The following ZSCAN25 variants were observed in gnomAD, a reference collection of about 807,000 sequenced individuals.
ZSCAN25 encodes the protein zinc finger and SCAN domain-containing protein 25.
In ZSCAN25, 27 loss-of-function variants were observed where a neutral mutation model predicts 38.7. That is an observed-to-expected ratio of 0.70 (90% CI 0.51 to 0.96). The LOEUF (loss-of-function observed/expected upper bound fraction) is 0.96. Ranked by LOEUF, ZSCAN25 falls within the 40% of genes least tolerant of loss-of-function variation. The pLI, the probability that ZSCAN25 is intolerant of heterozygous loss-of-function variation, is 0.00. For missense variants in ZSCAN25, 637 were observed against 705.9 expected, an observed-to-expected ratio of 0.90 and a Z score of 1.11; for synonymous variants, 273 against 277.7, an observed-to-expected ratio of 0.98 and a Z score of 0.17.
At chr7:99,699,816 A>C in the ZSCAN25 span, 1 of 567,950 alleles carries the variant, frequency 1.8e-6, no homozygotes, top group East Asian at 3.0e-5. Flanking sequence ...GCATAAGATC[A>C]ATAATAACCT....
chr7:99,712,409 A>G, the ZSCAN25 span, among the ~76,000 whole-genome samples: 1 of 152,232 alleles, frequency 6.6e-6, no homozygotes, highest in Non-Finnish European at 1.5e-5. Flanking sequence ...GGTAGCCACT[A>G]TTGACATGTG....
the ZSCAN25 span, chr7:99,658,853 C>G: frequency 6.6e-6 from 1 of 152,202 alleles, no homozygotes; most frequent in Admixed American, 6.5e-5. Flanking sequence ...CACTGATACC[C>G]TTTCTTCCAG....
the ZSCAN25 span, chr7:99,647,889 CTT>C: frequency 2.0e-6 from 2 of 984,048 alleles, no homozygotes; most frequent in South Asian, 4.7e-5. Context: ...TAATATAAAA[CTT>C]ATAGAATATT....
At chr7:99,708,483 T>C in the ZSCAN25 span, among the ~76,000 whole-genome samples, 2 of 151,852 alleles carry the variant, frequency 1.3e-5, no homozygotes, top group Non-Finnish European at 1.5e-5. Flanking sequence ...CTCTCCTCCT[T>C]CTCCTCCTTC....
At position 99,621,583 on chromosome 7, in the gene ZSCAN25, G is replaced by A; in HGVS notation, c.589+9G>A. 2 of 1,409,584 alleles carry A rather than the reference G, an allele frequency of 1.4e-6. No homozygotes were observed. Among genetic ancestry groups the A allele is most frequent in the Non-Finnish European group, 1.9e-6 (2 of 1,065,270 alleles). The allele number at this position is 1,409,584 out of a possible 1,614,324, so 87.3% of individuals were successfully genotyped here. ...GGCCTTCCAGGAGCAAGGTGAGTAA[G>A]ACGCAGATAGTGGGGATGTCAGGTC... On this transcript the variant is annotated intron_variant, in intron 5 of 7. Transcript: ENST00000394152.
chr7:99,725,167 T>C, the ZSCAN25 span, among the ~76,000 whole-genome samples: 1 of 152,150 alleles, frequency 6.6e-6, no homozygotes, highest in Non-Finnish European at 1.5e-5. Flanking sequence ...AAGGTAAAGA[T>C]GAAAACCCAG....
At chr7:99,672,916 T>C in the ZSCAN25 span, 1,150,440 of 1,304,936 alleles carry the variant, frequency 0.88, 522,108 homozygotes, top group Non-Finnish European at 0.93. Flanking sequence ...GGAAGAGATA[T>C]TGAAAGACAA....
chr7:99,710,748 G>T, the ZSCAN25 span: 11 of 1,613,828 alleles, frequency 6.8e-6, no homozygotes, highest in East Asian at 2.0e-4. Flanking sequence ...GGGTAAAACT[G>T]TATCAATTTC....
the ZSCAN25 span, chr7:99,680,076 G>A: frequency 2.1e-5 from 13 of 610,796 alleles, no homozygotes; most frequent in South Asian, 9.5e-5. Flanking sequence ...GCAAAGAATC[G>A]CACACACCCC....
intron 4 of ZSCAN25, chr7:99,620,715 T>C (rs1806882529): frequency 6.6e-6 from 1 of 152,266 alleles, no homozygotes; most frequent in Non-Finnish European, 1.5e-5. Context: ...CTTGTTTTTG[T>C]GAGTACTTCT....
At chr7:99,633,570 T>C (rs1217226701), downstream of ZSCAN25, among the ~76,000 whole-genome samples, 1 of 152,176 alleles carries the variant, frequency 6.6e-6, no homozygotes, top group Non-Finnish European at 1.5e-5. Context: ...CTTTTTGCTT[T>C]TATTGGTTTT....
chr7:99,695,131 G>T, the ZSCAN25 span, among the ~76,000 whole-genome samples: 1 of 152,124 alleles, frequency 6.6e-6, no homozygotes, highest in Non-Finnish European at 1.5e-5. Context: ...GAACACCTTT[G>T]CTCTGACTCC....
At chr7:99,732,993 A>G in the ZSCAN25 span, among the ~76,000 whole-genome samples, 1 of 152,204 alleles carries the variant, frequency 6.6e-6, no homozygotes, top group African/African-American at 2.4e-5. Flanking sequence ...AGTGACTCTG[A>G]TAATATGTGG....
At chr7:99,652,831 A>C in the ZSCAN25 span, 6 of 1,391,230 alleles carry the variant, frequency 4.3e-6, no homozygotes, top group Non-Finnish European at 6.0e-6. Flanking sequence ...ATTAACTCTC[A>C]ACTGAGTCCA....
At chr7:99,651,338 A>G in the ZSCAN25 span, among the ~76,000 whole-genome samples, 1 of 152,222 alleles carries the variant, frequency 6.6e-6, no homozygotes, top group African/African-American at 2.4e-5. Context: ...ATTTATATAA[A>G]TCATATGAAT....
chr7:99,714,298 TA>T, the ZSCAN25 span, among the ~76,000 whole-genome samples: 158 of 152,330 alleles, frequency 1.0e-3, no homozygotes, highest in Non-Finnish European at 2.0e-3. Flanking sequence ...TTTATCTGAA[TA>T]ATATTTATGT....
At chr7:99,707,795 G>A in the ZSCAN25 span, 9 of 1,613,474 alleles carry the variant, frequency 5.6e-6, no homozygotes, top group African/African-American at 1.2e-4. Flanking sequence ...CATTATTAAT[G>A]CAGAAAATTG....
chr7:99,639,024 T>C, the ZSCAN25 span, among the ~76,000 whole-genome samples: 2 of 152,234 alleles, frequency 1.3e-5, no homozygotes, highest in Non-Finnish European at 2.9e-5. Flanking sequence ...ACGGCCCGGC[T>C]GTCCTGGTTG....
At chr7:99,677,173 T>C in the ZSCAN25 span, 5 of 985,276 alleles carry the variant, frequency 5.1e-6, no homozygotes, top group African/African-American at 1.7e-5. Context: ...ATGTGCAAAC[T>C]CCTCCAACTG....
Sources: gnomAD v4.1 joint callset for allele counts (sites outside exome capture counted in the v4.1 genomes callset) on GRCh38, gnomAD v4.1.1 for gene constraint, MANE v1.5 for transcripts, NCBI Gene and HGNC (gene_info 2026-07-23, HGNC 2026-07-21) for gene names.